LNX1: variants seen among roughly 807,000 people sequenced by gnomAD.
The protein encoded by LNX1 is E3 ubiquitin-protein ligase LNX.
LNX1 carries 54 observed loss-of-function variants against 68.4 expected under a neutral mutation model. The observed-to-expected ratio is 0.79, with a 90% CI of 0.63 to 0.99. The LOEUF is 0.99. LNX1 is among the 50% of genes least tolerant of loss of function. LNX1 has a pLI of 0.00. For synonymous variants in LNX1, 336 were observed against 350.0 expected, an observed-to-expected ratio of 0.96 and a Z score of 0.45; for missense variants, 906 against 926.4, an observed-to-expected ratio of 0.98 and a Z score of 0.29.
intron 1 of LNX1, among the ~76,000 whole-genome samples, chr4:53,574,799 T>C (rs2109782810): frequency 6.6e-6 from 1 of 152,300 alleles, no homozygotes; most frequent in Middle Eastern, 3.4e-3. Context: ...TGAGATATGA[T>C]ATATAAAGCT....
intron 2 of LNX1, among the ~76,000 whole-genome samples, chr4:53,518,082 A>G (rs138199518): frequency 5.3e-5 from 8 of 152,316 alleles, no homozygotes; most frequent in Admixed American, 1.3e-4. Context: ...GGAAAAATTC[A>G]AAACAAGCTG....
chr4:53,625,513 G>A (rs538959797), intron 1 of LNX1, among the ~76,000 whole-genome samples: 2 of 152,258 alleles, frequency 1.3e-5, no homozygotes, highest in South Asian at 2.1e-4. Context: ...AAACCTAAAT[G>A]AGGCTAGGTG....
rs577947950 is a variant in LNX1, at chr4:53,614,585, A to G, written c.-215+1932T>C. Among the ~76,000 whole-genome samples, 6 of 152,364 alleles carry G rather than the reference A, an allele frequency of 3.9e-5. No homozygotes were observed. The South Asian group carries it at 1.2e-3, about 32-fold the overall frequency. On this transcript the variant is annotated intron_variant, in intron 2 of 3. Coordinates refer to the LNX1 transcript ENST00000504299. ...AAGAGTTCCATCACAGGTACCCAGG[A>G]AAATGACCAATTGCTCTTAAGGTCA...
chr4:53,460,952 T>TC lies in LNX1; in HGVS notation c.2141dup (p.Arg715LysfsTer31), dbSNP rs760186968. ...AAGAAACAATAGTTAGAGTAATTCT[T>TC]CCTTTAAGTTCTTTCAGCAGTCTTG... On this transcript the variant is annotated frameshift_variant, in exon 11 of 11. Coordinates refer to ENST00000263925, the MANE Select transcript of LNX1 (RefSeq NM_001126328.3). LOFTEE classifies it high-confidence loss of function. 29 of 1,611,028 alleles carry TC rather than the reference T, an allele frequency of 1.8e-5. No homozygotes were observed. The highest frequency in any genetic ancestry group is 2.5e-5 in the Non-Finnish European group (29 of 1,178,736).
chr4:53,548,844 A>C (rs1033984278), intron 2 of LNX1, among the ~76,000 whole-genome samples: 6 of 152,266 alleles, frequency 3.9e-5, no homozygotes, highest in African/African-American at 1.4e-4. Flanking sequence ...CTATGCAGCC[A>C]TAAAAAAGAA....
rs569818620 is a variant in LNX1, at chr4:53,548,829, G to T, written c.380+24794C>A. Among the ~76,000 whole-genome samples, 23 of 152,308 alleles carry T rather than the reference G, an allele frequency of 1.5e-4. No individual in the cohort carries two copies. The East Asian group carries it at 3.5e-3, about 23-fold the overall frequency. ...GAAAATGTGGTATAGATATACCATG[G>T]AATACTATGCAGCCATAAAAAAGAA... On this transcript the variant is annotated intron_variant, in intron 2 of 10. Coordinates refer to ENST00000263925, the MANE Select transcript of LNX1 (RefSeq NM_001126328.3).
At chr4:53,594,169 A>G (rs1732645708), upstream of LNX1, 1 of 150,524 alleles carries the variant, frequency 6.6e-6, no homozygotes, top group Non-Finnish European at 1.5e-5. Context: ...ATATATAAAT[A>G]TGTATATATT....
At chr4:53,507,520 C>A (rs1725982859) in intron 3 of LNX1, 51 bp from the exon 4 acceptor site, 1 of 1,552,394 alleles carries the variant, frequency 6.4e-7, no homozygotes, top group African/African-American at 1.4e-5. Flanking sequence ...TAGAAATAAT[C>A]ATTTATGTAC....
intron 2 of LNX1, among the ~76,000 whole-genome samples, chr4:53,598,731 C>A (rs1215777340): frequency 6.6e-6 from 1 of 152,218 alleles, no homozygotes; most frequent in East Asian, 1.9e-4. Context: ...TGTTAAGTTA[C>A]ATCTTGAGTC....
intron 2 of LNX1, among the ~76,000 whole-genome samples, chr4:53,606,804 A>G (rs2109842704): frequency 6.6e-6 from 1 of 152,354 alleles, no homozygotes; most frequent in Non-Finnish European, 1.5e-5. Context: ...GCTTCAACAT[A>G]CACAAATCAA....
At chr4:53,583,113 G>A (rs929400775) in intron 1 of LNX1, among the ~76,000 whole-genome samples, 1 of 152,162 alleles carries the variant, frequency 6.6e-6, no homozygotes, top group African/African-American at 2.4e-5. Flanking sequence ...GATAAATTTA[G>A]TAAGACTTGA....
chr4:53,611,399 A>AC lies in LNX1; in HGVS notation c.-215+5117_-215+5118insG, dbSNP rs1733492559. Among the ~76,000 whole-genome samples, 31 of 152,166 alleles carry AC rather than the reference A, an allele frequency of 2.0e-4. 1 individual carries two copies. Among genetic ancestry groups the AC allele is most frequent in the Admixed American group, 2.0e-3 (31 of 15,276 alleles). On this transcript the variant is annotated intron_variant, in intron 2 of 3. Coordinates refer to the LNX1 transcript ENST00000504299. ...GCCATAAAGATATTAAATTCTACAAATTGATTATGTGTGTGGTGTGTTTTA... is the reference window on the plus strand; with the variant it reads ...GCCATAAAGATATTAAATTCTACAAACTTGATTATGTGTGTGGTGTGTTTTA...
intron 1 of LNX1, among the ~76,000 whole-genome samples, chr4:53,622,539 A>G (rs1733923981): frequency 1.3e-5 from 2 of 152,118 alleles, no homozygotes; most frequent in South Asian, 4.2e-4. Flanking sequence ...ATTATCTCCA[A>G]TTTTGACATC....
chr4:53,637,047 G>A (rs900301081), intron 1 of LNX1, among the ~76,000 whole-genome samples: 29 of 149,978 alleles, frequency 1.9e-4, no homozygotes, highest in African/African-American at 6.3e-4. Flanking sequence ...CTGAATTACC[G>A]CCTCAATTGT....
At chr4:53,481,912 C>A (rs2109419834) in intron 6 of LNX1, 58 bp from the exon 7 acceptor site, 1 of 1,473,224 alleles carries the variant, frequency 6.8e-7, no homozygotes, top group African/African-American at 1.5e-5. Context: ...GCATTCAGCA[C>A]CAGGAGCTTA....
In LNX1 at chr4:53,552,265, G is replaced by A. The variant is rs1388486215; in HGVS notation, c.380+21358C>T. ...ATGAAGGGCAGGTACTTTGAAAAGC[G>A]AGTCCCAAACTAACTGTGCATCCAC... On this transcript the variant is annotated intron_variant, in intron 2 of 10. Coordinates refer to ENST00000263925, the MANE Select transcript of LNX1 (RefSeq NM_001126328.3). 7.2e-5 allele frequency among the ~76,000 whole-genome samples: 11 copies of A among 152,160 alleles called. No individual in the cohort carries two copies. In the South Asian group the frequency reaches 1.9e-3, roughly 26 times the overall value.
chr4:53,540,139 T>G lies in LNX1; in HGVS notation c.381-31912A>C, dbSNP rs538447963. Among the ~76,000 whole-genome samples, 45 of 152,254 alleles carry G rather than the reference T, an allele frequency of 3.0e-4. No individual in the cohort carries two copies. In the South Asian group the frequency reaches 8.5e-3, roughly 29 times the overall value. On this transcript the variant is annotated intron_variant, in intron 2 of 10. Coordinates refer to ENST00000263925, the MANE Select transcript of LNX1 (RefSeq NM_001126328.3). ...GCTCACATCTGTAATCCCAGCACTT[T>G]GAGAGTCTGAGGCTGGCAGATTGCT...
At position 53,573,690 on chromosome 4, in the gene LNX1, AG is replaced by A. The variant is rs750268386; in HGVS notation, c.312del (p.Cys105AlafsTer32). On this transcript the variant is annotated frameshift_variant, in exon 2 of 11. Coordinates refer to ENST00000263925, the MANE Select transcript of LNX1 (RefSeq NM_001126328.3). LOFTEE classifies it high-confidence loss of function. ...TGGGTGCAGTGCTCCCTGAATGGGC[AG>A]GTCACCAGTAGCTTGTTGAGGAGTT... ...VNKLLNKLLV[T>X]CPFREHCTQV... 6.2e-7 allele frequency: 1 copy of A among 1,609,732 alleles called. No individual in the cohort carries two copies.
chr4:53,590,483 T>A (rs2109819678), intron 1 of LNX1, among the ~76,000 whole-genome samples: 2 of 146,752 alleles, frequency 1.4e-5, no homozygotes, highest in Middle Eastern at 6.9e-3. Flanking sequence ...ACAACAATAT[T>A]GGCTAAAGAG....
Sources: allele counts gnomAD v4.1 joint callset (sites outside exome capture counted in the v4.1 genomes callset), GRCh38; gene constraint gnomAD v4.1.1; transcripts MANE v1.5; gene names NCBI Gene and HGNC (gene_info 2026-07-23, HGNC 2026-07-21).